HDAC4: variants seen among roughly 807,000 people sequenced by gnomAD.
The protein encoded by HDAC4 is histone deacetylase 4.
HDAC4 carries 16 observed loss-of-function variants against 135.1 expected under a neutral mutation model. The ratio of observed to expected loss-of-function variants is 0.12; its 90% CI spans 0.08 to 0.18. The LOEUF (loss-of-function observed/expected upper bound fraction) is 0.18, where lower values mean the gene tolerates loss of function less well. Among genes scored for constraint, HDAC4 ranks in the 10% least tolerant of loss-of-function variants. The probability of loss-of-function intolerance (pLI) is 1.00; values close to 1 mark genes in which losing one functional copy is unlikely to be tolerated. For missense variants in HDAC4, 1,143 were observed against 1,511.8 expected, an observed-to-expected ratio of 0.76 and a Z score of 4.05; for synonymous variants, 685 against 653.4, an observed-to-expected ratio of 1.05 and a Z score of -0.74.
rs1489713250 is a variant in HDAC4 at position 239,134,656 on chromosome 2, C to T, written c.979-13G>A. ...GCGCCAAACTCGTCTGGGGACAGAACACACGATGACCATCACAGTCTGTCA... is the reference window on the plus strand; with the variant it reads ...GCGCCAAACTCGTCTGGGGACAGAATACACGATGACCATCACAGTCTGTCA... On this transcript the variant is annotated splice_polypyrimidine_tract_variant and intron_variant, in intron 9 of 26. Transcript: ENST00000543185. 1.2e-5 allele frequency: 19 copies of T among 1,595,890 alleles called. No individual in the cohort carries two copies. The highest frequency in any genetic ancestry group is 1.6e-5 in the Non-Finnish European group (19 of 1,163,348).
chr2:239,392,565 A>G (rs1471859293), intron 1 of HDAC4, among the ~76,000 whole-genome samples: 1 of 152,180 alleles, frequency 6.6e-6, no homozygotes, highest in African/African-American at 2.4e-5. Flanking sequence ...TGGCATCACT[A>G]ATTAAGATAC....
chr2:239,104,752 C>G (rs1559435139), intron 15 of HDAC4, among the ~76,000 whole-genome samples: 1 of 152,376 alleles, frequency 6.6e-6, no homozygotes, highest in African/African-American at 2.4e-5. Context: ...GTGTCCTCCC[C>G]ACTCAAAAGC....
At chr2:239,290,644 C>A (rs1427198915) in intron 2 of HDAC4, among the ~76,000 whole-genome samples, 1 of 152,162 alleles carries the variant, frequency 6.6e-6, no homozygotes, top group Non-Finnish European at 1.5e-5. Flanking sequence ...TGTACGCACA[C>A]ACAACCACAC....
chr2:239,073,694 A>G (rs1423529521), intron 22 of HDAC4, among the ~76,000 whole-genome samples: 1 of 152,260 alleles, frequency 6.6e-6, no homozygotes, highest in Admixed American at 6.5e-5. Flanking sequence ...GCGATTTCGC[A>G]AACATGGTGT....
chr2:239,081,897 T>A (rs984619604), intron 21 of HDAC4, among the ~76,000 whole-genome samples: 3 of 152,200 alleles, frequency 2.0e-5, no homozygotes, highest in Non-Finnish European at 4.4e-5. Context: ...AGCCTCTCAT[T>A]TGTACTTCAG....
chr2:239,387,818 G>C (rs1056030685), intron 1 of HDAC4, among the ~76,000 whole-genome samples: 4 of 152,120 alleles, frequency 2.6e-5, no homozygotes, highest in African/African-American at 9.7e-5. Flanking sequence ...GTGCGCCCCT[G>C]GAGGAGCCGC....
rs1000527584 is a variant in HDAC4 at position 239,400,085 on chromosome 2, G to A, written c.-220+893C>T. ...TACGAGATAATTTGCTTATGATTCC[G>A]TGGTGTGTTTTCGCAACGCCGGCAA... is the stretch of plus-strand genomic sequence containing the variant. On this transcript the variant is annotated intron_variant, in intron 1 of 26. Transcript: ENST00000543185. This position sits in a 1 kb window ranked among gnomAD's most constrained non-coding sequence, Gnocchi z 4.7. Among the ~76,000 whole-genome samples the A allele has an allele frequency of 6.6e-6, 1 of 151,946 alleles. No homozygotes were observed. Among genetic ancestry groups the A allele is most frequent in the Non-Finnish European group, 1.5e-5 (1 of 67,980 alleles).
upstream of HDAC4, chr2:239,401,051 CG>C (rs1188309928): frequency 2.0e-5 from 3 of 152,330 alleles, no homozygotes; most frequent in Non-Finnish European, 2.9e-5. Flanking sequence ...GCCCGTCAGC[CG>C]GCCCGGCCCC....
intron 2 of HDAC4, among the ~76,000 whole-genome samples, chr2:239,324,950 C>A (rs750485415): frequency 5.3e-5 from 8 of 152,236 alleles, no homozygotes; most frequent in Non-Finnish European, 8.8e-5. Context: ...TGAGCAAGAT[C>A]TTTCCTCTAA....
chr2:239,229,926 C>A (rs984009084), intron 3 of HDAC4, among the ~76,000 whole-genome samples: 1 of 152,120 alleles, frequency 6.6e-6, no homozygotes, highest in Non-Finnish European at 1.5e-5. Flanking sequence ...CTCCAGAATG[C>A]AAATTTCCCC....
intron 2 of HDAC4, among the ~76,000 whole-genome samples, chr2:239,326,362 G>A (rs1407795377): frequency 1.3e-5 from 2 of 152,224 alleles, no homozygotes; most frequent in Non-Finnish European, 2.9e-5. Context: ...CGCAGCCAGA[G>A]GGAGGGAAAC....
chr2:239,314,040 C>A (rs796420315), intron 2 of HDAC4, among the ~76,000 whole-genome samples: 14 of 152,120 alleles, frequency 9.2e-5, no homozygotes, highest in African/African-American at 2.9e-4. Context: ...GAGAGGACTC[C>A]CCTCAGAACT....
At chr2:239,231,983 G>A (rs1189195852) in intron 3 of HDAC4, among the ~76,000 whole-genome samples, 3 of 117,020 alleles carry the variant, frequency 2.6e-5, no homozygotes, top group East Asian at 2.4e-4. Flanking sequence ...TGAGGTAGGC[G>A]TCCTCCCCGA....
At chr2:239,148,697 G>A (rs1326004338) in intron 7 of HDAC4, among the ~76,000 whole-genome samples, 5 of 152,246 alleles carry the variant, frequency 3.3e-5, no homozygotes, top group Non-Finnish European at 7.3e-5. Context: ...TTCTCCAAGA[G>A]CCACTGGAAG....
intron 20 of HDAC4, among the ~76,000 whole-genome samples, chr2:239,083,021 G>T (rs2035506078): frequency 6.6e-6 from 1 of 152,270 alleles, no homozygotes; most frequent in African/African-American, 2.4e-5. Context: ...AGGCGGAAGG[G>T]CAGCTACAGG....
At chr2:239,284,658 T>C (rs2051030128) in intron 2 of HDAC4, among the ~76,000 whole-genome samples, 1 of 152,042 alleles carries the variant, frequency 6.6e-6, no homozygotes, top group African/African-American at 2.4e-5. Context: ...GCCACCACAG[T>C]AGGGACTGGG....
At chr2:239,138,094 T>C (rs1220802571) in intron 9 of HDAC4, among the ~76,000 whole-genome samples, 1 of 152,210 alleles carries the variant, frequency 6.6e-6, no homozygotes, top group African/African-American at 2.4e-5. Flanking sequence ...GGGCAGGAAG[T>C]AATTTCTAGG....
At chr2:239,176,921 T>C (rs887568695) in intron 4 of HDAC4, among the ~76,000 whole-genome samples, 1 of 152,158 alleles carries the variant, frequency 6.6e-6, no homozygotes, top group African/African-American at 2.4e-5. Context: ...AGAAAACTGC[T>C]GGGCACTTCC....
intron 3 of HDAC4, among the ~76,000 whole-genome samples, chr2:239,214,132 T>G (rs1170387948): frequency 6.6e-6 from 1 of 152,190 alleles, no homozygotes; most frequent in Non-Finnish European, 1.5e-5. Flanking sequence ...GAGTCTGACA[T>G]GGGGTTTACG....
Sources: allele counts gnomAD v4.1 joint callset (sites outside exome capture counted in the v4.1 genomes callset), GRCh38; gene constraint gnomAD v4.1.1; non-coding constraint Gnocchi (gnomAD v3.1); transcripts MANE v1.5; gene names NCBI Gene and HGNC (gene_info 2026-07-23, HGNC 2026-07-21).